The following TBC1D30 variants were observed in gnomAD, a reference collection of about 807,000 sequenced individuals.
TBC1D30 encodes TBC1 domain family, member 30.
TBC1D30 carries 31 observed loss-of-function variants against 63.2 expected under a neutral mutation model. The ratio of observed to expected loss-of-function variants is 0.49; its 90% CI spans 0.37 to 0.66. The LOEUF is 0.66. Among genes scored for constraint, TBC1D30 ranks in the 30% least tolerant of loss-of-function variants. TBC1D30 has a pLI of 0.00. For missense variants in TBC1D30, 810 were observed against 953.6 expected (o/e 0.85, Z 1.98); for synonymous variants, 307 against 361.5 (o/e 0.85, Z 1.71).
chr12:64,770,797 G>A (rs539317323), intron 1 of TBC1D30, among the ~76,000 whole-genome samples: 3 of 151,244 alleles, frequency 2.0e-5, no homozygotes, highest in East Asian at 2.0e-4. Flanking sequence ...TCCGCCTCCC[G>A]GGCTCAAGCG....
upstream of TBC1D30, among the ~76,000 whole-genome samples, chr12:64,821,156 T>C (rs1173871985): frequency 6.6e-6 from 1 of 152,248 alleles, no homozygotes; most frequent in African/African-American, 2.4e-5. Flanking sequence ...GATGTCAGCT[T>C]TGGCAGTCTG....
At chr12:64,853,593 G>C (rs984931626) in intron 8 of TBC1D30, among the ~76,000 whole-genome samples, 3 of 152,138 alleles carry the variant, frequency 2.0e-5, no homozygotes, top group Non-Finnish European at 4.4e-5. Flanking sequence ...GCCCAGTTTT[G>C]TGGTTGAAAC....
chr12:64,776,229 T>C (rs961201119), upstream of TBC1D30, among the ~76,000 whole-genome samples: 3 of 151,730 alleles, frequency 2.0e-5, no homozygotes, highest in African/African-American at 7.3e-5. Context: ...AGCAAACAAA[T>C]CCCAAAGCTA....
At position 64,875,473 on chromosome 12, in the gene TBC1D30, A is replaced by G. The variant is rs1271456166; in HGVS notation, c.1971A>G (p.Gly657=). Residue 657 remains glycine, a synonymous_variant, in exon 12 of 12, where the codon GGA becomes GGG. Transcript: ENST00000539867. ...TGTCTGCAGTTCAGGCGAAGTTGGG[A>G]GCCCTGGAACTGAACCAGAGGGATG... ...VDVSAVQAKL[G]ALELNQRDAA... 3 of 1,535,866 alleles carry G rather than the reference A, an allele frequency of 2.0e-6. No homozygotes were observed. In the Admixed American group the frequency reaches 5.9e-5, roughly 30 times the overall value.
At chr12:64,868,625 A>T (rs571224193) in intron 10 of TBC1D30, 1 of 328,348 alleles carries the variant, frequency 3.0e-6, no homozygotes, top group South Asian at 3.3e-5. Context: ...TCAGCTCTGC[A>T]AAATTCCTTT....
intron 1 of TBC1D30, among the ~76,000 whole-genome samples, chr12:64,774,650 A>G (rs2136281449): frequency 6.6e-6 from 1 of 152,336 alleles, no homozygotes; most frequent in Middle Eastern, 3.4e-3. Context: ...GAATTCTTAA[A>G]GAAAATAATT....
intron 8 of TBC1D30, among the ~76,000 whole-genome samples, 156 bp from the exon 9 acceptor site, chr12:64,864,512 A>G (rs538606196): frequency 1.0e-3 from 153 of 152,308 alleles, no homozygotes; most frequent in African/African-American, 3.3e-3. Context: ...TCTGTCTTGA[A>G]AGCGGATGTT....
At chr12:64,793,505 AAAG>A (rs1193575497) in intron 2 of TBC1D30, among the ~76,000 whole-genome samples, 12 of 148,178 alleles carry the variant, frequency 8.1e-5, no homozygotes, top group Admixed American at 6.7e-4. Flanking sequence ...AAAAAAAAAA[AAAG>A]AATTAGCTGG....
At chr12:64,823,955 G>C (rs1223734376), upstream of TBC1D30, among the ~76,000 whole-genome samples, 4 of 151,404 alleles carry the variant, frequency 2.6e-5, no homozygotes, top group Non-Finnish European at 5.9e-5. Flanking sequence ...TCCATTTAGT[G>C]TTTCTTTTTA....
At chr12:64,772,377 A>C (rs1870938322) in intron 1 of TBC1D30, among the ~76,000 whole-genome samples, 2 of 152,036 alleles carry the variant, frequency 1.3e-5, no homozygotes, top group Admixed American at 1.3e-4. Flanking sequence ...AATTGATATT[A>C]ACCAGACTTT....
intron 8 of TBC1D30, among the ~76,000 whole-genome samples, chr12:64,854,002 C>T (rs1302446082): frequency 6.6e-6 from 1 of 152,176 alleles, no homozygotes; most frequent in African/African-American, 2.4e-5. Context: ...TTGTAGGAAA[C>T]GGATCATTGG....
At chr12:64,874,909 C>G in intron 11 of TBC1D30, 92 bp from the exon 12 acceptor site, 1 of 1,214,874 alleles carries the variant, frequency 8.2e-7, no homozygotes, top group Non-Finnish European at 1.1e-6. Flanking sequence ...ATGTGGTAGA[C>G]GGGGCTGGGA....
chr12:64,852,713 G>T (rs907054707), intron 8 of TBC1D30, among the ~76,000 whole-genome samples: 32 of 152,134 alleles, frequency 2.1e-4, no homozygotes, highest in South Asian at 4.2e-4. Flanking sequence ...ATTCCTTTCT[G>T]TTTGTTAGTT....
At chr12:64,826,280 T>C (rs1021309605) in intron 1 of TBC1D30, among the ~76,000 whole-genome samples, 1 of 152,178 alleles carries the variant, frequency 6.6e-6, no homozygotes, top group Non-Finnish European at 1.5e-5. Context: ...TGCTCATTTT[T>C]GATCATGAGA....
At chr12:64,814,403 T>C (rs1451054517) in intron 2 of TBC1D30, among the ~76,000 whole-genome samples, 1 of 152,090 alleles carries the variant, frequency 6.6e-6, no homozygotes, top group East Asian at 1.9e-4. Context: ...ATATTCTTCA[T>C]GTGCCATAGA....
intron 1 of TBC1D30, among the ~76,000 whole-genome samples, chr12:64,782,877 A>G (rs577297664): frequency 7.2e-5 from 11 of 152,154 alleles, no homozygotes; most frequent in Non-Finnish European, 1.3e-4. Flanking sequence ...TAATAGTCCT[A>G]TACACACATA....
At chr12:64,867,013 A>G in intron 10 of TBC1D30, 110 bp downstream of exon 10, 1 of 1,249,808 alleles carries the variant, frequency 8.0e-7, no homozygotes. Flanking sequence ...GGTTACAACT[A>G]TTAAAAGTCT....
intron 1 of TBC1D30, among the ~76,000 whole-genome samples, chr12:64,763,168 C>T (rs1870580267): frequency 6.6e-6 from 1 of 152,122 alleles, no homozygotes; most frequent in Non-Finnish European, 1.5e-5. Context: ...GTTGGCCAGG[C>T]TGGTCTCGAA....
At chr12:64,828,136 C>T (rs984011870) in intron 2 of TBC1D30, among the ~76,000 whole-genome samples, 8 of 152,182 alleles carry the variant, frequency 5.3e-5, no homozygotes, top group African/African-American at 1.9e-4. Context: ...ATAAATTTCA[C>T]ACCTGTACCA....
Sources: gnomAD v4.1 joint callset for allele counts (sites outside exome capture counted in the v4.1 genomes callset) on GRCh38, gnomAD v4.1.1 for gene constraint, MANE v1.5 for transcripts, NCBI Gene and HGNC (gene_info 2026-07-23, HGNC 2026-07-21) for gene names.